TONSL: variants seen among roughly 807,000 people sequenced by gnomAD.
TONSL encodes the protein tonsoku like, DNA repair protein.
TONSL carries 112 observed loss-of-function variants against 147.1 expected under a neutral mutation model. That is an observed-to-expected ratio of 0.76 (90% CI 0.65 to 0.89). The LOEUF is 0.89. TONSL is among the 40% of genes least tolerant of loss of function. The pLI, the probability that TONSL is intolerant of heterozygous loss-of-function variation, is 0.00. For synonymous variants in TONSL, 868 were observed against 801.5 expected (o/e 1.08, Z -1.40); for missense variants, 1,883 against 1,864.6 (o/e 1.01, Z -0.18).
In TONSL at chr8:144,440,409, G is replaced by T. The variant is rs1376221770; in HGVS notation, c.1232C>A (p.Ala411Asp). The T allele has an allele frequency of 6.2e-7, 1 of 1,608,562 alleles. No individual in the cohort carries two copies. Among genetic ancestry groups the T allele is most frequent in the Non-Finnish European group, 8.5e-7 (1 of 1,177,224 alleles). ...GCTGAGCGCTTTCTGGAAGCACGGGGCCAGCAGCTCGTAGGCATCGCCGGC... is the reference window on the plus strand; with the variant it reads ...GCTGAGCGCTTTCTGGAAGCACGGGTCCAGCAGCTCGTAGGCATCGCCGGC... ...EEAGDAYELL[A>D]PCFQKALSCA... Residue 411 changes from alanine (A) to aspartate (D), a missense_variant, in exon 10 of 26, where the codon GCC (alanine) becomes GAC (aspartate). Physicochemically the swap from Ala to Asp is moderately radical, Grantham distance 126. Transcript: ENST00000409379.
In TONSL at chr8:144,430,377, A is replaced by T. The variant is rs782144879; in HGVS notation, c.3943+27T>A. On this transcript the variant is annotated intron_variant, in intron 25 of 25. Transcript: ENST00000409379. Reference sequence around the variant, plus strand: ...GGTCCCTGAAAAGGCCGAACATGGCAGGCGTGGCCACCATACCAGCACTCA... The same window carrying T: ...GGTCCCTGAAAAGGCCGAACATGGCTGGCGTGGCCACCATACCAGCACTCA... The T allele has an allele frequency of 1.3e-5, 20 of 1,558,202 alleles. No individual in the cohort carries two copies. In the South Asian group the frequency reaches 2.3e-4, roughly 18 times the overall value.
chr8:144,430,920 C>A (rs188508282), intron 24 of TONSL, among the ~76,000 whole-genome samples, 158 bp downstream of exon 24: 13 of 152,342 alleles, frequency 8.5e-5, no homozygotes, highest in African/African-American at 3.1e-4. Context: ...AGTCTGCCTT[C>A]CAGGGCAGCC....
intron 4 of TONSL, 125 bp from the exon 5 acceptor site, chr8:144,442,931 T>A: frequency 7.3e-7 from 1 of 1,362,412 alleles, no homozygotes; most frequent in Non-Finnish European, 9.8e-7. Flanking sequence ...TGGGTGCAAG[T>A]GTCCTGCGGC....
At chr8:144,431,614 A>T (rs1436382032) in intron 23 of TONSL, among the ~76,000 whole-genome samples, 1 of 151,448 alleles carries the variant, frequency 6.6e-6, no homozygotes, top group African/African-American at 2.4e-5. Flanking sequence ...TCCCGGGTTC[A>T]CGCTGTTCTC....
rs903756618 is a variant in TONSL, at chr8:144,429,245, G to T, written c.4035C>A (p.Cys1345Ter). 6.5e-7 allele frequency: 1 copy of T among 1,531,456 alleles called. No homozygotes were observed. The highest frequency in any genetic ancestry group is 8.8e-7 in the Non-Finnish European group (1 of 1,141,068). 94.9% of individuals were successfully genotyped at this position (1,531,456 alleles called of 1,614,324 possible). The change falls in exon 26 of 26, where the codon TGC becomes TGA. Residue 1345 changes from cysteine to a stop codon, truncating the protein, a stop_gained. Coordinates refer to ENST00000409379, the MANE Select transcript of TONSL (RefSeq NM_013432.5). LOFTEE classifies it low-confidence loss of function (END_TRUNC). ...RELQLCSRRLCAEDRDALRQL... is the reference protein window; with the variant it reads ...RELQLCSRRL ...GGCGCAGGGCGTCCCTGTCCTCAGC[G>T]CAGAGGCGTCTGCTGCACAGCTGCA... is the stretch of plus-strand genomic sequence containing the variant.
At chr8:144,443,833 G>A in intron 3 of TONSL, 49 bp downstream of exon 3, 1 of 1,537,150 alleles carries the variant, frequency 6.5e-7, no homozygotes, top group Non-Finnish European at 8.7e-7. Context: ...CTCAGAAAAG[G>A]GCTCCAGAGG....
chr8:144,435,918 C>T lies in TONSL; in HGVS notation c.2515G>A (p.Asp839Asn), dbSNP rs767415215. 10 of 1,579,264 alleles carry T rather than the reference C, an allele frequency of 6.3e-6. No individual in the cohort carries two copies. Among genetic ancestry groups the T allele is most frequent in the African/African-American group, 1.3e-5 (1 of 74,302 alleles). Reference protein sequence around the residue: ...ECLAGDWLELDMPLTRSRRPR... With the variant: ...ECLAGDWLELNMPLTRSRRPR... ...CGGCGGCTGCGGGTCAGGGGCATGT[C>T]CAGCTCCAGCCAGTCCCCGGCCAGG... Residue 839 changes from aspartate to asparagine, a missense_variant, in exon 17 of 26, where the codon GAC becomes AAC. Physicochemically the swap from Asp to Asn is conservative, Grantham distance 23 (BLOSUM62 1). Transcript: ENST00000409379.
At chr8:144,433,280 G>A in intron 22 of TONSL, 1 of 256,674 alleles carries the variant, frequency 3.9e-6, no homozygotes, top group Non-Finnish European at 7.6e-6. Flanking sequence ...GTTTCACCGT[G>A]TTAGCCAGGA....
rs1302271081 is a variant in TONSL, at chr8:144,440,080, G to A, written c.1421C>T (p.Ala474Val). The A allele has an allele frequency of 2.2e-5, 35 of 1,597,312 alleles. No individual in the cohort carries two copies. Among genetic ancestry groups the A allele is most frequent in the African/African-American group, 6.7e-5 (5 of 74,488 alleles). ...DEDEEEEAEE[A>V]AATAESEALE... Reference sequence around the variant, plus strand: ...GGCTTCGCTCTCCGCTGTGGCTGCCGCCTCCTCCGCCTCCTCCTCCTCATC... The same window carrying A: ...GGCTTCGCTCTCCGCTGTGGCTGCCACCTCCTCCGCCTCCTCCTCCTCATC... The change falls in exon 11 of 26, where the codon GCG becomes GTG. Residue 474 changes from alanine to valine, a missense_variant. Ala to Val is a moderately conservative substitution (Grantham distance 64, BLOSUM62 0). Transcript: ENST00000409379.
In TONSL at chr8:144,440,724, C is replaced by T. The variant is rs1823681812; in HGVS notation, c.1158G>A (p.Val386=). ...CGGGGAGCAAGGGTTTCACCTCCAG[C>T]ACGTTGCCGCTGCGCAGCCTCAGTT... ...EEELRLRSGN[V]LEEAKTWLNI... Residue 386 remains valine, a synonymous_variant, in exon 9 of 26, where the codon GTG becomes GTA. Transcript: ENST00000409379. 2 of 1,612,052 alleles carry T rather than the reference C, an allele frequency of 1.2e-6. No homozygotes were observed. The highest frequency in any genetic ancestry group is 4.5e-5 in the East Asian group (2 of 44,884).
rs1014404912 is a variant in TONSL at position 144,438,537 on chromosome 8, C to T, written c.1587G>A (p.Gly529=). ...GSKWNRRNDM[G]ETLLHRACIE... is the part of the protein sequence containing the mutation. ...TGCAGGCTCGGTGCAGCAGGGTCTC[C>T]CCCATGTCGTTTCGCCGGTTCCACT... Residue 529 remains glycine (G), a synonymous_variant, in exon 13 of 26, where the codon GGG becomes GGA. Transcript: ENST00000409379. 1 of 1,613,192 alleles carries T rather than the reference C, an allele frequency of 6.2e-7. No homozygotes were observed. Among genetic ancestry groups the T allele is most frequent in the African/African-American group, 1.3e-5 (1 of 75,040 alleles).
At chr8:144,441,594 G>GA (rs1292403719) in intron 7 of TONSL, 980 of 184,400 alleles carry the variant, frequency 5.3e-3, no homozygotes, top group Middle Eastern at 0.015. Context: ...TCCGTCTCAA[G>GA]AAAAAAAAAC....
At position 144,440,111 on chromosome 8, in the gene TONSL, C is replaced by G. The variant is rs777369086; in HGVS notation, c.1390G>C (p.Asp464His). 5.6e-6 allele frequency: 9 copies of G among 1,612,046 alleles called. No individual in the cohort carries two copies. The highest frequency in any genetic ancestry group is 1.1e-5 in the South Asian group (1 of 91,026). Residue 464 changes from aspartate (D) to histidine (H), a missense_variant, in exon 11 of 26, where the codon GAT (aspartate) becomes CAT (histidine). Physicochemically the swap from Asp to His is moderately conservative, Grantham distance 81. Transcript: ENST00000409379. ...TCCGCCTCCTCCTCCTCATCTTCAT[C>G]TTCAGCTACACTGAGCTCCCGTAGT... The part of the protein sequence containing the change: ...TRLRELSVAE[D>H]EDEEEEAEEA...
intron 20 of TONSL, among the ~76,000 whole-genome samples, chr8:144,434,570 G>A (rs952040853): frequency 6.6e-6 from 1 of 152,148 alleles, no homozygotes; most frequent in Non-Finnish European, 1.5e-5. Flanking sequence ...CCTCCTCCTT[G>A]GGTTTGACTT....
In TONSL at chr8:144,442,411, G is replaced by A; in HGVS notation, c.580C>T (p.Gln194Ter). ...YFRKSIFLAE[Q>*]NHLYEDLFRA... is the part of the protein sequence containing the mutation. ...AATAGGTCCTCGTAAAGGTGGTTCT[G>A]CCTGCAGAGGGGTGACGACCACTGA... Residue 194 changes from glutamine (Q) to a stop codon, truncating the protein, a stop_gained and splice_region_variant, in exon 6 of 26, where the codon CAG (glutamine) becomes TAG (stop). Coordinates refer to ENST00000409379, the MANE Select transcript of TONSL (RefSeq NM_013432.5). LOFTEE classifies it high-confidence loss of function. 1 of 1,538,576 alleles carries A rather than the reference G, an allele frequency of 6.5e-7. No homozygotes were observed. Among genetic ancestry groups the A allele is most frequent in the Non-Finnish European group, 8.8e-7 (1 of 1,141,766 alleles).
At chr8:144,443,052 T>A (rs1471158440) in intron 4 of TONSL, 86 bp downstream of exon 4, 1 of 1,447,144 alleles carries the variant, frequency 6.9e-7, no homozygotes, top group Non-Finnish European at 9.3e-7. Flanking sequence ...GAAGACGGGA[T>A]TGCCCAAGGA....
rs578078610 is a variant in TONSL at position 144,441,411 on chromosome 8, T to A, written c.866-300A>T. 1.3e-5 allele frequency: 4 copies of A among 310,490 alleles called. No homozygotes were observed. The South Asian group carries it at 1.9e-4, about 15-fold the overall frequency. 19.2% of individuals were successfully genotyped at this position (310,490 alleles called of 1,614,324 possible). ...ATCGAGACCATCCTGGCTAACATGGTGAAACCTCGTCTCTACTAAAAATAC... is the reference window on the plus strand; with the variant it reads ...ATCGAGACCATCCTGGCTAACATGGAGAAACCTCGTCTCTACTAAAAATAC... On this transcript the variant is annotated intron_variant, in intron 7 of 25. Transcript: ENST00000409379.
chr8:144,441,309 G>A (rs1300325189), intron 7 of TONSL, 198 bp from the exon 8 acceptor site: 13 of 763,640 alleles, frequency 1.7e-5, no homozygotes, highest in African/African-American at 3.5e-5. Context: ...TTAAAAACTC[G>A]GGGCCAGGTA....
Position 144,438,487 on chromosome 8 carries a change from T to C in TONSL, c.1637A>G (p.Gln546Arg), listed in dbSNP as rs2129662516. The change falls in exon 13 of 26, where the codon CAG becomes CGG. Residue 546 changes from glutamine to arginine, a missense_variant. Gln to Arg is a conservative substitution (Grantham distance 43). Coordinates refer to ENST00000409379, the MANE Select transcript of TONSL (RefSeq NM_013432.5). ...ACIEGQLRRV[Q>R]DLVRQGHPLN... The stretch of plus-strand genomic sequence containing the variant: ...GGGGCCCACCTGCCTCACAAGGTCC[T>C]GGACGCGGCGCAGCTGGCCCTCGAT... The C allele has an allele frequency of 6.2e-7, 1 of 1,612,968 alleles. No homozygotes were observed. The highest frequency in any genetic ancestry group is 1.7e-5 in the Admixed American group (1 of 60,010).
Sources: allele counts gnomAD v4.1 joint callset (sites outside exome capture counted in the v4.1 genomes callset), GRCh38; gene constraint gnomAD v4.1.1; transcripts MANE v1.5; gene names NCBI Gene and HGNC (gene_info 2026-07-23, HGNC 2026-07-21).